Variants in RNF217 observed in about 807,000 individuals in gnomAD.
RNF217 encodes ring finger protein 217, also known as E3 ubiquitin-protein ligase RNF217.
A neutral mutation model predicts 57.8 loss-of-function variants in RNF217; 31 were observed. The observed-to-expected ratio is 0.54, with a 90% CI of 0.40 to 0.72. The LOEUF (loss-of-function observed/expected upper bound fraction) is 0.72. Among genes scored for constraint, RNF217 ranks in the 30% least tolerant of loss-of-function variants. The probability of loss-of-function intolerance (pLI) is 0.00; values close to 1 mark genes in which losing one functional copy is unlikely to be tolerated. For missense variants in RNF217, 696 were observed against 708.3 expected, an observed-to-expected ratio of 0.98 and a Z score of 0.20; for synonymous variants, 313 against 294.0, an observed-to-expected ratio of 1.06 and a Z score of -0.66.
intron 3 of RNF217, among the ~76,000 whole-genome samples, chr6:125,076,071 T>G (rs1261126425): frequency 1.3e-5 from 2 of 152,130 alleles, no homozygotes; most frequent in African/African-American, 4.8e-5. Flanking sequence ...AGGTGCTTAG[T>G]TGCACAGATG....
Position 125,082,352 on chromosome 6 carries a change from G to C in RNF217, c.1556-512G>C, listed in dbSNP as rs986906292. ...AACTTGGGTTTAGCAAGTAATAAAT[G>C]TGCAGGACAGATAGAATTATAAAGT... On this transcript the variant is annotated intron_variant, in intron 5 of 5. Coordinates refer to ENST00000521654, the MANE Select transcript of RNF217 (RefSeq NM_001286398.3). 17 of 1,265,590 alleles carry C rather than the reference G, an allele frequency of 1.3e-5. No homozygotes were observed. The African/African-American group carries it at 2.6e-4, about 19-fold the overall frequency. The allele number at this position is 1,265,590 out of a possible 1,614,324, so 78.4% of individuals were successfully genotyped here.
intron 1 of RNF217, among the ~76,000 whole-genome samples, chr6:124,989,192 T>C (rs1784463355): frequency 6.6e-6 from 1 of 152,196 alleles, no homozygotes; most frequent in Non-Finnish European, 1.5e-5. Context: ...ACTTTACTTT[T>C]AGTTGGCAAT....
chr6:124,998,304 C>T (rs1784825595), intron 1 of RNF217, among the ~76,000 whole-genome samples: 1 of 152,074 alleles, frequency 6.6e-6, no homozygotes, highest in Admixed American at 6.6e-5. Context: ...AGCTCCTTTC[C>T]CCCATTTCAG....
intron 1 of RNF217, among the ~76,000 whole-genome samples, chr6:125,028,004 C>A (rs1037606380): frequency 6.6e-6 from 1 of 151,990 alleles, no homozygotes; most frequent in Non-Finnish European, 1.5e-5. Context: ...GTTGTTTGGA[C>A]TCCTTATATA....
At chr6:125,012,490 T>A (rs1313099971) in intron 1 of RNF217, among the ~76,000 whole-genome samples, 1 of 152,180 alleles carries the variant, frequency 6.6e-6, no homozygotes, top group East Asian at 1.9e-4. Context: ...ACTTTGGATC[T>A]TCTGTTTAAA....
At chr6:125,022,647 C>T (rs1785888603) in intron 1 of RNF217, among the ~76,000 whole-genome samples, 1 of 152,166 alleles carries the variant, frequency 6.6e-6, no homozygotes, top group Admixed American at 6.5e-5. Flanking sequence ...TTCTTATAAA[C>T]CAGTGATCAA....
intron 4 of RNF217, among the ~76,000 whole-genome samples, chr6:125,077,201 G>T (rs1002281911): frequency 5.3e-5 from 8 of 152,032 alleles, no homozygotes; most frequent in Non-Finnish European, 1.2e-4. Context: ...CCAGCAGCAG[G>T]TCGTACACAT....
In RNF217 at chr6:125,082,943, A is replaced by G. The variant is rs781095582; in HGVS notation, c.*6A>G. The stretch of plus-strand genomic sequence containing the variant: ...GGACAGGTATGCACTGGTAACATGC[A>G]GATGATTTCATCCAGCTAAGCTGGT... On this transcript the variant is annotated 3_prime_UTR_variant, in exon 6 of 6. Coordinates refer to ENST00000521654, the MANE Select transcript of RNF217 (RefSeq NM_001286398.3). The G allele has an allele frequency of 6.3e-7, 1 of 1,587,692 alleles. No individual in the cohort carries two copies. The highest frequency in any genetic ancestry group is 1.4e-5 in the African/African-American group (1 of 73,192).
chr6:125,023,946 T>C (rs1395822465), intron 1 of RNF217, among the ~76,000 whole-genome samples: 1 of 152,128 alleles, frequency 6.6e-6, no homozygotes, highest in Non-Finnish European at 1.5e-5. Context: ...ACTAAGGAGA[T>C]GTTGTTCAAG....
chr6:124,979,231 T>A (rs1359774880), intron 1 of RNF217, among the ~76,000 whole-genome samples: 2 of 152,202 alleles, frequency 1.3e-5, no homozygotes, highest in African/African-American at 2.4e-5. Context: ...TGCTGATTGT[T>A]GACTTAAGGT....
intron 1 of RNF217, among the ~76,000 whole-genome samples, chr6:124,981,515 A>G (rs988795140): frequency 6.6e-6 from 1 of 152,154 alleles, no homozygotes; most frequent in Non-Finnish European, 1.5e-5. Context: ...AAAAGATTAC[A>G]TTCTTTTGAG....
Position 125,084,437 on chromosome 6 carries a change from C to A in RNF217, c.*1500C>A, listed in dbSNP as rs2114664881. ...AAAAAGACCCCTAAAAAGCCTAAAG[C>A]TTTAAATTGTCTCCAAATTCTTAAA... On this transcript the variant is annotated 3_prime_UTR_variant, in exon 6 of 6. Coordinates refer to ENST00000521654, the MANE Select transcript of RNF217 (RefSeq NM_001286398.3). 1 of 151,992 alleles carries A rather than the reference C, an allele frequency of 6.6e-6. No individual in the cohort carries two copies. Among genetic ancestry groups the A allele is most frequent in the Non-Finnish European group, 1.5e-5 (1 of 67,858 alleles). 9.4% of individuals were successfully genotyped at this position (151,992 alleles called of 1,614,324 possible). A position where few individuals can be genotyped will look rare whatever the true frequency, so the allele number is the denominator to read the frequency against.
At chr6:125,045,976 T>C (rs1472748891) in intron 2 of RNF217, among the ~76,000 whole-genome samples, 1 of 152,014 alleles carries the variant, frequency 6.6e-6, no homozygotes, top group Admixed American at 6.6e-5. Flanking sequence ...AGACATGTGT[T>C]CTAAAAATGA....
At position 125,008,047 on chromosome 6, in the gene RNF217, T is replaced by G. The variant is rs539475303; in HGVS notation, c.883-37164T>G. 1.6e-3 allele frequency among the ~76,000 whole-genome samples: 243 copies of G among 151,920 alleles called. 2 individuals carry two copies. Among genetic ancestry groups the G allele is most frequent in the African/African-American group, 5.5e-3 (230 of 41,466 alleles). ...CGAGGCGGGTGGATCACGAGGTCAG[T>G]AGATCAAGACCATCCCGGCTGACAT... On this transcript the variant is annotated intron_variant, in intron 1 of 5. Transcript: ENST00000521654.
chr6:124,962,707 T>C lies in RNF217; in HGVS notation c.163T>C (p.Cys55Arg). ...CTCCGCGGAGCCGAGCGGCGGTGGCTGCGGAAGCGACTGGGGCTGCGCGGA... is the reference window on the plus strand; with the variant it reads ...CTCCGCGGAGCCGAGCGGCGGTGGCCGCGGAAGCGACTGGGGCTGCGCGGA... ...AASAEPSGGG[C>R]GSDWGCADTS... The change falls in exon 1 of 6, where the codon TGC (cysteine) becomes CGC (arginine). Residue 55 changes from cysteine (C) to arginine (R), a missense_variant. Physicochemically the swap from Cys to Arg is radical, Grantham distance 180. Around this residue, in one of 2 missense-constraint regions of RNF217, gnomAD observed 465 missense variants for 386.8 expected, o/e 1.20. Transcript: ENST00000521654. This position sits in a 1 kb window ranked among gnomAD's most constrained non-coding sequence, Gnocchi z 4.6. The C allele has an allele frequency of 7.0e-7, 1 of 1,436,284 alleles. No individual in the cohort carries two copies. Among genetic ancestry groups the C allele is most frequent in the Non-Finnish European group, 9.0e-7 (1 of 1,107,976 alleles). The allele number at this position is 1,436,284 out of a possible 1,614,324, so 89.0% of individuals were successfully genotyped here.
chr6:125,050,000 A>T (rs1787249418), intron 2 of RNF217, among the ~76,000 whole-genome samples: 1 of 151,974 alleles, frequency 6.6e-6, no homozygotes, highest in Non-Finnish European at 1.5e-5. Flanking sequence ...GGGGGCAGTG[A>T]AGGGGATTGT....
intron 1 of RNF217, among the ~76,000 whole-genome samples, chr6:125,025,882 C>G (rs1353034433): frequency 6.6e-6 from 1 of 152,072 alleles, no homozygotes; most frequent in Non-Finnish European, 1.5e-5. Flanking sequence ...TTTATTCTGT[C>G]AAGTACAAGG....
In RNF217 at chr6:124,963,183, G is replaced by A. The variant is rs1028463602; in HGVS notation, c.639G>A (p.Thr213=). ...CCAGCCCCCGACTGTCCCTCCCAAC[G>A]GATTCCCTCTCCCCCGACGGCGGCA... ...SFPSPRLSLP[T]DSLSPDGGSI... Residue 213 remains threonine, a synonymous_variant, in exon 1 of 6, where the codon ACG becomes ACA. Transcript: ENST00000521654. 6.5e-7 allele frequency: 1 copy of A among 1,535,882 alleles called. No homozygotes were observed. Among genetic ancestry groups the A allele is most frequent in the African/African-American group, 1.4e-5 (1 of 73,022 alleles).
At chr6:125,030,279 CT>C (rs1166724654) in intron 1 of RNF217, among the ~76,000 whole-genome samples, 2 of 152,152 alleles carry the variant, frequency 1.3e-5, no homozygotes, top group Non-Finnish European at 2.9e-5. Flanking sequence ...CATTCTGCCC[CT>C]GGCCCCTCTA....
Sources: gnomAD v4.1 joint callset for allele counts (sites outside exome capture counted in the v4.1 genomes callset) on GRCh38, gnomAD v4.1.1 for gene constraint, gnomAD v4.1.1 regional missense constraint, Gnocchi (gnomAD v3.1) non-coding constraint, MANE v1.5 for transcripts, NCBI Gene and HGNC (gene_info 2026-07-23, HGNC 2026-07-21) for gene names.